The following TMEM25 variants were observed in gnomAD, a reference collection of about 807,000 sequenced individuals.
TMEM25 encodes the protein 0610039J01Rik.
TMEM25 carries 36 observed loss-of-function variants against 37.0 expected under a neutral mutation model. That is an observed-to-expected ratio of 0.97 (90% CI 0.75 to 1.28). The LOEUF is 1.28. Among genes scored for constraint, TMEM25 ranks in the 50% most tolerant of loss-of-function variants. The pLI is 0.00. For synonymous variants in TMEM25, 197 were observed against 203.7 expected, an observed-to-expected ratio of 0.97 and a Z score of 0.28; for missense variants, 444 against 477.9, an observed-to-expected ratio of 0.93 and a Z score of 0.66.
intron 1 of TMEM25, chr11:118,531,472 T>C: frequency 2.0e-6 from 1 of 510,656 alleles, no homozygotes; most frequent in South Asian, 2.6e-5. Flanking sequence ...TGTGTGAGTG[T>C]GCGTGTGTGC....
At chr11:118,537,757 T>C (rs1432471140), downstream of TMEM25, among the ~76,000 whole-genome samples, 2 of 152,036 alleles carry the variant, frequency 1.3e-5, no homozygotes, top group Non-Finnish European at 2.9e-5. Context: ...TTTTAGTTTC[T>C]GAGAAATTAC....
chr11:118,533,995 C>T (rs1555061471), intron 6 of TMEM25, 34 bp from the exon 7 acceptor site: 4 of 1,613,454 alleles, frequency 2.5e-6, no homozygotes, highest in African/African-American at 1.3e-5. Context: ...TGTGCCGGGA[C>T]TCATATCCAT....
downstream of TMEM25, among the ~76,000 whole-genome samples, chr11:118,537,741 T>C (rs1555064104): frequency 6.6e-6 from 1 of 152,168 alleles, no homozygotes; most frequent in East Asian, 1.9e-4. Flanking sequence ...TGAATGGTAA[T>C]CCTATTTTTA....
downstream of TMEM25, among the ~76,000 whole-genome samples, chr11:118,536,198 CTT>C (rs1158700334): frequency 3.6e-5 from 5 of 137,620 alleles, no homozygotes; most frequent in Non-Finnish European, 3.2e-5. Flanking sequence ...CTTTTCTTTT[CTT>C]TTTTTTTTTT....
chr11:118,545,713 C>T, intron 8 of TMEM25: 1 of 1,434,038 alleles, frequency 7.0e-7, no homozygotes, highest in Non-Finnish European at 9.8e-7. Context: ...ATACTATCTT[C>T]CCAGAGTAAA....
chr11:118,537,921 T>G (rs969748910), downstream of TMEM25, among the ~76,000 whole-genome samples: 1 of 151,846 alleles, frequency 6.6e-6, no homozygotes, highest in Non-Finnish European at 1.5e-5. Flanking sequence ...CGTGGTGGTG[T>G]GTACCTGTAG....
chr11:118,532,024 C>T (rs1951300652), intron 2 of TMEM25, 126 bp from the exon 3 acceptor site: 1 of 1,361,860 alleles, frequency 7.3e-7, no homozygotes, highest in Non-Finnish European at 9.8e-7. Flanking sequence ...ACCAGCCAGT[C>T]CCTGGTGAGA....
chr11:118,532,808 C>A, intron 3 of TMEM25, 109 bp from the exon 4 acceptor site: 5 of 1,429,260 alleles, frequency 3.5e-6, no homozygotes, highest in Non-Finnish European at 3.8e-6. Flanking sequence ...TCCTCAGCAT[C>A]CCCTCTGAGG....
At chr11:118,546,274 G>A in exon 9 of TMEM25, 1 of 669,720 alleles carries the variant, frequency 1.5e-6, no homozygotes. Flanking sequence ...GAGGTGGGCA[G>A]ATCGCCTGAG....
At chr11:118,543,957 C>T (rs1951618179) in intron 8 of TMEM25, among the ~76,000 whole-genome samples, 2 of 152,056 alleles carry the variant, frequency 1.3e-5, no homozygotes, top group South Asian at 4.2e-4. Flanking sequence ...CAGGCATGCA[C>T]CAAAACACCC....
chr11:118,533,296 G>A, intron 4 of TMEM25, 89 bp downstream of exon 4: 1 of 1,564,924 alleles, frequency 6.4e-7, no homozygotes, highest in Non-Finnish European at 8.6e-7. Flanking sequence ...TTGTTGCCCT[G>A]TGGTTGGGTC....
downstream of TMEM25, among the ~76,000 whole-genome samples, chr11:118,537,213 T>C (rs1449978327): frequency 3.3e-5 from 5 of 152,044 alleles, no homozygotes; most frequent in African/African-American, 1.2e-4. Context: ...TGGTAGCATG[T>C]GCCTGTGGTC....
intron 8 of TMEM25, among the ~76,000 whole-genome samples, chr11:118,541,259 G>A (rs912849732): frequency 5.9e-5 from 9 of 151,896 alleles, no homozygotes; most frequent in East Asian, 5.8e-4. Flanking sequence ...TCAAGAGATC[G>A]AGACCATCCT....
At position 118,540,851 on chromosome 11, in the gene TMEM25, C is replaced by T. The variant is rs181259995; in HGVS notation, c.1028-5268C>T. On this transcript the variant is annotated intron_variant, in intron 8 of 8. Transcript: ENST00000354284. ...ATTATGCCAAGTGAAAGGCCAAACC[C>T]AAAAGATCACACGTTGTTTGACTCC... Among the ~76,000 whole-genome samples the T allele has an allele frequency of 9.1e-4, 138 of 152,254 alleles. 1 individual carries two copies. In the Middle Eastern group the frequency reaches 0.01, roughly 11 times the overall value.
At chr11:118,537,826 G>A (rs1404106693), downstream of TMEM25, among the ~76,000 whole-genome samples, 1 of 152,138 alleles carries the variant, frequency 6.6e-6, no homozygotes, top group Admixed American at 6.5e-5. Flanking sequence ...CGAGGCGGGT[G>A]GATCGCTTGA....
chr11:118,535,899 A>G, downstream of TMEM25: 5 of 1,004,042 alleles, frequency 5.0e-6, no homozygotes, highest in Non-Finnish European at 4.8e-6. Context: ...TTCGTTTGAG[A>G]TGGAGTCTCA....
intron 3 of TMEM25, chr11:118,532,676 C>T (rs1951343748): frequency 3.8e-6 from 3 of 781,054 alleles, no homozygotes; most frequent in African/African-American, 3.5e-5. Flanking sequence ...AGCAATCTGC[C>T]CAGGGTGATG....
Position 118,535,219 on chromosome 11 carries a change from G to A in TMEM25, c.*639G>A. On this transcript the variant is annotated 3_prime_UTR_variant, in exon 9 of 9. Transcript: ENST00000313236. ...TCCTCTTGGGAATTCTAGGTTACAC[G>A]TTGGACCTTCTCTACTACTTCACTG... 9.9e-6 allele frequency: 11 copies of A among 1,113,486 alleles called. No homozygotes were observed. Among genetic ancestry groups the A allele is most frequent in the Non-Finnish European group, 1.2e-5 (11 of 912,130 alleles). The allele number at this position is 1,113,486 out of a possible 1,614,324, so 69.0% of individuals were successfully genotyped here.
chr11:118,544,786 G>T, intron 8 of TMEM25: 1 of 665,858 alleles, frequency 1.5e-6, no homozygotes. Flanking sequence ...AGAGAGGGCA[G>T]CAGGACATGC....
Sources: gnomAD v4.1 joint callset for allele counts (sites outside exome capture counted in the v4.1 genomes callset) on GRCh38, gnomAD v4.1.1 for gene constraint, MANE v1.5 for transcripts, NCBI Gene and HGNC (gene_info 2026-07-23, HGNC 2026-07-21) for gene names.